Variants in LRMDA observed in about 807,000 individuals in gnomAD.
LRMDA encodes the protein leucine rich melanocyte differentiation associated, also known as leucine-rich melanocyte differentiation-associated protein.
LRMDA carries 18 observed loss-of-function variants against 29.8 expected under a neutral mutation model. The observed-to-expected ratio is 0.60, with a 90% CI of 0.42 to 0.90. The LOEUF (loss-of-function observed/expected upper bound fraction) is 0.90. LRMDA is among the 40% of genes least tolerant of loss of function. The pLI, the probability that LRMDA is intolerant of heterozygous loss-of-function variation, is 0.00. For synonymous variants in LRMDA, 125 were observed against 109.4 expected (o/e 1.14, Z -0.89); for missense variants, 273 against 273.9 (o/e 1.00, Z 0.02).
At chr10:76,090,256 C>T (rs1316242118) in intron 5 of LRMDA, among the ~76,000 whole-genome samples, 1 of 152,142 alleles carries the variant, frequency 6.6e-6, no homozygotes, top group Non-Finnish European at 1.5e-5. Flanking sequence ...AGCATCAGCT[C>T]TATCTTGCTC....
intron 2 of LRMDA, among the ~76,000 whole-genome samples, chr10:75,714,487 TG>T (rs1224609772): frequency 6.6e-6 from 1 of 152,178 alleles, no homozygotes; most frequent in Non-Finnish European, 1.5e-5. Flanking sequence ...TTTTGACAAG[TG>T]GTAGAATTAA....
At chr10:76,526,410 A>G (rs879411148) in intron 6 of LRMDA, among the ~76,000 whole-genome samples, 1 of 152,032 alleles carries the variant, frequency 6.6e-6, no homozygotes, top group Non-Finnish European at 1.5e-5. Flanking sequence ...TCATTTCCTC[A>G]CCCAAAGCAA....
At chr10:75,878,361 A>G (rs915651372) in intron 2 of LRMDA, among the ~76,000 whole-genome samples, 1 of 151,508 alleles carries the variant, frequency 6.6e-6, no homozygotes, top group African/African-American at 2.4e-5. Context: ...AGTGAGGTGG[A>G]TGGGGAGCCA....
chr10:75,594,541 G>A (rs1589196801), intron 2 of LRMDA, among the ~76,000 whole-genome samples: 1 of 152,148 alleles, frequency 6.6e-6, no homozygotes, highest in East Asian at 1.9e-4. Flanking sequence ...GCATCATATG[G>A]TTTGCAATTG....
intron 6 of LRMDA, among the ~76,000 whole-genome samples, chr10:76,384,400 A>G (rs1280397565): frequency 6.6e-6 from 1 of 152,220 alleles, no homozygotes; most frequent in East Asian, 1.9e-4. Flanking sequence ...GGAGAGAGAC[A>G]CATGTGAAAA....
At chr10:76,526,668 G>C (rs1474028786) in intron 6 of LRMDA, among the ~76,000 whole-genome samples, 1 of 151,972 alleles carries the variant, frequency 6.6e-6, no homozygotes, top group Non-Finnish European at 1.5e-5. Context: ...AACTTTGCTA[G>C]ATGCCATATG....
chr10:75,597,026 T>TC (rs1259139245), intron 2 of LRMDA, among the ~76,000 whole-genome samples: 2 of 151,648 alleles, frequency 1.3e-5, no homozygotes, highest in African/African-American at 2.4e-5. Context: ...TTTCTCCCTC[T>TC]CCCCCTCTCC....
At chr10:76,358,911 T>A (rs1360830583) in intron 6 of LRMDA, among the ~76,000 whole-genome samples, 1 of 152,178 alleles carries the variant, frequency 6.6e-6, no homozygotes, top group Non-Finnish European at 1.5e-5. Flanking sequence ...TGTTGCTTGG[T>A]TTTGAGCCCA....
intron 5 of LRMDA, among the ~76,000 whole-genome samples, chr10:76,311,172 T>G (rs191136889): frequency 6.6e-6 from 1 of 152,354 alleles, no homozygotes; most frequent in Non-Finnish European, 1.5e-5. Flanking sequence ...AACCCAAGAA[T>G]GCACACGTAT....
chr10:76,370,965 C>A (rs949136909), intron 6 of LRMDA, among the ~76,000 whole-genome samples: 2 of 152,094 alleles, frequency 1.3e-5, no homozygotes, highest in Non-Finnish European at 2.9e-5. Context: ...TGTAAAACCA[C>A]TGAACAAGGA....
At chr10:75,999,185 C>G (rs1847520482) in intron 2 of LRMDA, among the ~76,000 whole-genome samples, 1 of 152,178 alleles carries the variant, frequency 6.6e-6, no homozygotes, top group Admixed American at 6.5e-5. Flanking sequence ...GTTGAAATGC[C>G]TAATTCTCTC....
At chr10:75,445,404 A>G (rs1440404558) in intron 2 of LRMDA, among the ~76,000 whole-genome samples, 1 of 152,144 alleles carries the variant, frequency 6.6e-6, no homozygotes, top group Non-Finnish European at 1.5e-5. Context: ...AAATTTCTAG[A>G]CAAAATAGGG....
At chr10:76,026,236 AT>A (rs1848061058) in intron 2 of LRMDA, among the ~76,000 whole-genome samples, 1 of 152,266 alleles carries the variant, frequency 6.6e-6, no homozygotes, top group African/African-American at 2.4e-5. Flanking sequence ...CAGTGTTTGG[AT>A]AAAGGATGTG....
intron 5 of LRMDA, among the ~76,000 whole-genome samples, chr10:76,148,103 G>C (rs1156240628): frequency 6.6e-6 from 1 of 152,210 alleles, no homozygotes; most frequent in Non-Finnish European, 1.5e-5. Flanking sequence ...CTACTGGGGG[G>C]TGCCTCCCCG....
chr10:75,560,447 G>A (rs943859814), intron 2 of LRMDA, among the ~76,000 whole-genome samples: 7 of 149,840 alleles, frequency 4.7e-5, no homozygotes, highest in Admixed American at 4.0e-4. Context: ...AGACAGTGGG[G>A]TTTTCTAGAT....
intron 2 of LRMDA, among the ~76,000 whole-genome samples, chr10:75,964,638 C>G (rs1027044203): frequency 2.6e-5 from 4 of 152,188 alleles, no homozygotes; most frequent in Non-Finnish European, 5.9e-5. Flanking sequence ...GCGTTACCCC[C>G]GTACATGCAC....
intron 5 of LRMDA, among the ~76,000 whole-genome samples, chr10:76,228,418 C>G (rs1852000966): frequency 6.6e-6 from 1 of 152,098 alleles, no homozygotes; most frequent in Non-Finnish European, 1.5e-5. Flanking sequence ...TAATAGACAC[C>G]AGGCCAGGCA....
chr10:75,772,869 TGG>T (rs1554824987), intron 2 of LRMDA, among the ~76,000 whole-genome samples: 1 of 49,792 alleles, frequency 2.0e-5, no homozygotes, highest in African/African-American at 7.1e-5. Flanking sequence ...GGGGGTGGGA[TGG>T]GGGGGGGCAG....
intron 5 of LRMDA, among the ~76,000 whole-genome samples, chr10:76,094,989 T>G (rs866395776): frequency 1.6e-4 from 24 of 152,204 alleles, no homozygotes; most frequent in African/African-American, 5.8e-4. Flanking sequence ...AATAATTTAC[T>G]TATAGTAAAA....
Sources: allele counts gnomAD v4.1 joint callset (sites outside exome capture counted in the v4.1 genomes callset), GRCh38; gene constraint gnomAD v4.1.1; transcripts MANE v1.5; gene names NCBI Gene and HGNC (gene_info 2026-07-23, HGNC 2026-07-21).